L3MBTL1: variants seen among roughly 807,000 people sequenced by gnomAD.
The protein encoded by L3MBTL1 is L3MBTL histone methyl-lysine binding protein 1, also known as lethal(3)malignant brain tumor-like protein 1.
Under a neutral mutation model 105.3 loss-of-function variants are expected in L3MBTL1, and 75 were observed. The observed-to-expected ratio is 0.71, with a 90% confidence interval of 0.59 to 0.86. The LOEUF (loss-of-function observed/expected upper bound fraction) is 0.86, where lower values mean the gene tolerates loss of function less well. L3MBTL1 is among the 40% of genes least tolerant of loss of function. L3MBTL1 has a pLI of 0.00. For synonymous variants in L3MBTL1, 452 were observed against 436.2 expected (o/e 1.04, Z -0.45); for missense variants, 1,069 against 1,126.4 (o/e 0.95, Z 0.73).
chr20:43,541,807 A>G lies in L3MBTL1; in HGVS notation c.*679A>G, dbSNP rs1476897802. The G allele has an allele frequency of 1.2e-5, 12 of 983,860 alleles. No individual in the cohort carries two copies. The East Asian group carries it at 1.0e-3, about 84-fold the overall frequency. The allele number at this position is 983,860 out of a possible 1,614,324, so 60.9% of individuals were successfully genotyped here. On this transcript the variant is annotated 3_prime_UTR_variant, in exon 22 of 22. Transcript: ENST00000418998. The stretch of plus-strand genomic sequence containing the variant: ...TATCACTAGTATATAATAGAGCAAT[A>G]TTATGGAGGAATATGTAGATCCAAT...
In L3MBTL1 at chr20:43,515,040, C is replaced by T. The variant is rs1568918088; in HGVS notation, c.534C>T (p.Pro178=). ...ACCCCCAGAATCCTCCAGAAGATCC[C>T]AATCAGGACCCCCCAGAGGATGATA... ...EDHPQNPPED[P]NQDPPEDDST... The change falls in exon 5 of 22, where the codon CCC becomes CCT. Residue 178 remains proline (P), a synonymous_variant. Transcript: ENST00000418998. 7 of 1,614,060 alleles carry T rather than the reference C, an allele frequency of 4.3e-6. No homozygotes were observed. The highest frequency in any genetic ancestry group is 1.1e-5 in the South Asian group (1 of 91,090).
intron 1 of L3MBTL1, among the ~76,000 whole-genome samples, chr20:43,508,863 A>G (rs2018056644): frequency 6.6e-6 from 1 of 152,224 alleles, no homozygotes; most frequent in African/African-American, 2.4e-5. Flanking sequence ...ATGGCCCTGC[A>G]GAGGTGTTCC....
At chr20:43,517,135 G>C (rs1283451263) in intron 7 of L3MBTL1, among the ~76,000 whole-genome samples, 2 of 149,870 alleles carry the variant, frequency 1.3e-5, no homozygotes, top group Non-Finnish European at 3.0e-5. Flanking sequence ...GTTTCACTCT[G>C]TTGCCCAGGC....
At chr20:43,514,394 G>T in intron 3 of L3MBTL1, 1 of 1,428,248 alleles carries the variant, frequency 7.0e-7, no homozygotes, top group South Asian at 1.5e-5. Context: ...GGGCCTGTGG[G>T]AGCCTGGGGG....
At chr20:43,513,364 AC>A in intron 1 of L3MBTL1, 111 bp from the exon 2 acceptor site, 1 of 1,075,130 alleles carries the variant, frequency 9.3e-7, no homozygotes, top group Non-Finnish European at 1.3e-6. Context: ...TCTGCAGGTC[AC>A]GGGTTTGAAG....
chr20:43,521,454 A>G, intron 7 of L3MBTL1, among the ~76,000 whole-genome samples: 1 of 152,232 alleles, frequency 6.6e-6, no homozygotes, highest in Non-Finnish European at 1.5e-5. Flanking sequence ...GGTTTGCACC[A>G]TTGAGGAGCA....
At position 43,508,512 on chromosome 20, in the gene L3MBTL1, A is replaced by G. The variant is rs79955295; in HGVS notation, c.-29+768A>G. Among the ~76,000 whole-genome samples, 720 of 152,358 alleles carry G rather than the reference A, an allele frequency of 4.7e-3. 8 individuals carry two copies. Among genetic ancestry groups the G allele is most frequent in the African/African-American group, 0.016 (658 of 41,586 alleles). ...TACTCCCCACCCAACACCTATAGTA[A>G]GGACATTTATTGGTCGTTTTTGTAT... On this transcript the variant is annotated intron_variant, in intron 1 of 21. Transcript: ENST00000418998.
chr20:43,520,311 T>C (rs2018642340), intron 7 of L3MBTL1, among the ~76,000 whole-genome samples: 1 of 152,238 alleles, frequency 6.6e-6, no homozygotes. Context: ...GATGGACATA[T>C]GGATTGCTTC....
Position 43,530,374 on chromosome 20 carries a change from G to C in L3MBTL1, c.1147G>C (p.Ala383Pro), listed in dbSNP as rs781073654. ...VNANSPDIHP[A>P]GWFEKTGHKL... The stretch of plus-strand genomic sequence containing the variant: ...TGCCAACTCCCCTGACATTCACCCT[G>C]CTGGCTGGTTCGAGAAGACGGGCCA... The change falls in exon 10 of 22, where the codon GCT becomes CCT. Residue 383 changes from alanine to proline, a missense_variant. Transcript: ENST00000418998. 2 of 1,614,164 alleles carry C rather than the reference G, an allele frequency of 1.2e-6. No homozygotes were observed. The highest frequency in any genetic ancestry group is 3.3e-5 in the Admixed American group (2 of 60,020).
chr20:43,508,205 T>C (rs551211177), intron 1 of L3MBTL1, among the ~76,000 whole-genome samples: 2 of 152,068 alleles, frequency 1.3e-5, no homozygotes, highest in South Asian at 4.2e-4. Flanking sequence ...TTTTTTTTTT[T>C]TTGGCCATAA....
At chr20:43,517,565 G>T (rs1225101441) in intron 7 of L3MBTL1, among the ~76,000 whole-genome samples, 1 of 152,158 alleles carries the variant, frequency 6.6e-6, no homozygotes, top group East Asian at 1.9e-4. Context: ...ATTGCACTTG[G>T]TTCTTGTATC....
downstream of L3MBTL1, among the ~76,000 whole-genome samples, chr20:43,543,710 C>T (rs1200150691): frequency 3.3e-5 from 5 of 152,174 alleles, no homozygotes; most frequent in African/African-American, 1.2e-4. Flanking sequence ...GGACACCAGT[C>T]AAGATGCTCT....
chr20:43,525,364 C>T (rs2018974893), intron 7 of L3MBTL1, among the ~76,000 whole-genome samples: 1 of 151,956 alleles, frequency 6.6e-6, no homozygotes, highest in South Asian at 2.1e-4. Flanking sequence ...ATCAGTGCCA[C>T]CGCTAGCCAA....
At chr20:43,519,474 T>C (rs2018592713) in intron 7 of L3MBTL1, among the ~76,000 whole-genome samples, 1 of 151,306 alleles carries the variant, frequency 6.6e-6, no homozygotes, top group Non-Finnish European at 1.5e-5. Flanking sequence ...CCATCTCTAC[T>C]AAAAATACAA....
chr20:43,515,820 G>T, intron 6 of L3MBTL1: 1 of 484,624 alleles, frequency 2.1e-6, no homozygotes, highest in Admixed American at 3.3e-5. Flanking sequence ...CATCACAAAG[G>T]AAGTTTTTGT....
intron 1 of L3MBTL1, among the ~76,000 whole-genome samples, chr20:43,510,178 T>C (rs2018094064): frequency 6.6e-6 from 1 of 152,018 alleles, no homozygotes; most frequent in Non-Finnish European, 1.5e-5. Context: ...TTTGTACTTT[T>C]TGTAGAGATG....
intron 19 of L3MBTL1, chr20:43,539,866 A>G (rs1475676222): frequency 3.8e-6 from 2 of 523,362 alleles, no homozygotes; most frequent in Admixed American, 6.3e-5. Flanking sequence ...CCAAGAGAGT[A>G]TCCTTGCAGG....
Position 43,536,159 on chromosome 20 carries a change from A to G in L3MBTL1, c.1988A>G (p.His663Arg). The change falls in exon 18 of 22, where the codon CAT becomes CGT. Residue 663 changes from histidine (H) to arginine (R), a missense_variant. Coordinates refer to ENST00000418998, the MANE Select transcript of L3MBTL1 (RefSeq NM_001377303.1). ...GTCACAGGCAAGTTCACAGCTCACCATTGCCTCTCAGGCTGCCCACTGGCT... is the reference window on the plus strand; with the variant it reads ...GTCACAGGCAAGTTCACAGCTCACCGTTGCCTCTCAGGCTGCCCACTGGCT... ...GHVTGKFTAH[H>R]CLSGCPLAER... is the part of the protein sequence containing the mutation. 1 of 1,613,734 alleles carries G rather than the reference A, an allele frequency of 6.2e-7. No individual in the cohort carries two copies. Among genetic ancestry groups the G allele is most frequent in the African/African-American group, 1.3e-5 (1 of 75,040 alleles).
chr20:43,527,307 G>C (rs1199815795), intron 7 of L3MBTL1, among the ~76,000 whole-genome samples: 1 of 152,244 alleles, frequency 6.6e-6, no homozygotes, highest in Non-Finnish European at 1.5e-5. Context: ...ATTGATTCTT[G>C]TGAGTTGTTA....
Sources: gnomAD v4.1 joint callset for allele counts (sites outside exome capture counted in the v4.1 genomes callset) on GRCh38, gnomAD v4.1.1 for gene constraint, MANE v1.5 for transcripts, NCBI Gene and HGNC (gene_info 2026-07-23, HGNC 2026-07-21) for gene names.